Variants in DCDC2C observed in about 807,000 individuals in gnomAD.
The protein encoded by DCDC2C is doublecortin domain containing 2C.
DCDC2C carries 44 observed loss-of-function variants against 45.0 expected under a neutral mutation model. That is an observed-to-expected ratio of 0.98 (90% CI 0.77 to 1.26). The LOEUF (loss-of-function observed/expected upper bound fraction) is 1.26. Among genes scored for constraint, DCDC2C ranks in the 50% most tolerant of loss-of-function variants. The pLI, the probability that DCDC2C is intolerant of heterozygous loss-of-function variation, is 0.00. For missense variants in DCDC2C, 447 were observed against 468.9 expected, an observed-to-expected ratio of 0.95 and a Z score of 0.43; for synonymous variants, 187 against 178.8, an observed-to-expected ratio of 1.05 and a Z score of -0.37.
At chr2:3,775,096 C>T (rs375030605) in intron 8 of DCDC2C, among the ~76,000 whole-genome samples, 1 of 150,052 alleles carries the variant, frequency 6.7e-6, no homozygotes, top group Non-Finnish European at 1.5e-5. Flanking sequence ...TGAGGAACAA[C>T]GTAGGGAGTG....
At chr2:3,835,232 A>C (rs1048777133) in intron 10 of DCDC2C, among the ~76,000 whole-genome samples, 2 of 152,186 alleles carry the variant, frequency 1.3e-5, no homozygotes, top group South Asian at 4.1e-4. Context: ...CCTTACTTTT[A>C]AGAATGTGTG....
intron 2 of DCDC2C, among the ~76,000 whole-genome samples, chr2:3,725,053 G>A (rs572012061): frequency 1.9e-3 from 284 of 152,140 alleles, no homozygotes; most frequent in Non-Finnish European, 3.0e-3. Flanking sequence ...GTGGAAGGAG[G>A]CCCTATTGAC....
Position 3,842,178 on chromosome 2 carries a change from CA to C in DCDC2C, c.1066-4975del, listed in dbSNP as rs368710803. On this transcript the variant is annotated intron_variant, in intron 10 of 10. Coordinates refer to ENST00000399143, the MANE Select transcript of DCDC2C (RefSeq NM_001287444.2). Reference sequence around the variant, plus strand: ...GGAGGGAATCCATTGGAATGAGACTCAGTTTTGTTTTTCTCAAGAAGCTCAT... The same window carrying C: ...GGAGGGAATCCATTGGAATGAGACTCGTTTTGTTTTTCTCAAGAAGCTCAT... 5.1e-4 allele frequency among the ~76,000 whole-genome samples: 77 copies of C among 152,086 alleles called. No individual in the cohort carries two copies. The East Asian group carries it at 9.7e-3, about 19-fold the overall frequency.
At chr2:3,725,673 T>A (rs72493324) in intron 2 of DCDC2C, among the ~76,000 whole-genome samples, 38 of 82,010 alleles carry the variant, frequency 4.6e-4, no homozygotes, top group South Asian at 1.0e-3. Flanking sequence ...GAGCAGAGAG[T>A]GAGGAGGCTG....
Position 3,729,282 on chromosome 2 carries a change from TG to T in DCDC2C, c.416+2207del, listed in dbSNP as rs1389544225. Among the ~76,000 whole-genome samples the T allele has an allele frequency of 2.0e-5, 3 of 152,094 alleles. No homozygotes were observed. In the East Asian group the frequency reaches 5.8e-4, roughly 29 times the overall value. ...AAGAGCCCACCCCAGGGCTCCTCTG[TG>T]GGGAGGAGGCACGTTTGTGCCAGGC... On this transcript the variant is annotated intron_variant, in intron 3 of 10. Transcript: ENST00000399143.
chr2:3,810,498 G>A (rs1274192069), intron 10 of DCDC2C, among the ~76,000 whole-genome samples: 1 of 152,168 alleles, frequency 6.6e-6, no homozygotes, highest in Non-Finnish European at 1.5e-5. Context: ...TTTGTCAGAT[G>A]GGTAGATTGC....
chr2:3,743,650 T>C (rs992483479), intron 4 of DCDC2C, among the ~76,000 whole-genome samples: 2 of 152,106 alleles, frequency 1.3e-5, no homozygotes, highest in South Asian at 2.1e-4. Flanking sequence ...TGAACAACCA[T>C]TGGGTCAAGG....
At chr2:3,804,631 C>G (rs1671189310) in intron 10 of DCDC2C, among the ~76,000 whole-genome samples, 1 of 152,172 alleles carries the variant, frequency 6.6e-6, no homozygotes, top group Non-Finnish European at 1.5e-5. Context: ...TTAAAAAGAT[C>G]TCATTTCCTT....
intron 10 of DCDC2C, among the ~76,000 whole-genome samples, chr2:3,819,254 T>C (rs569305105): frequency 6.6e-6 from 1 of 152,170 alleles, no homozygotes; most frequent in Admixed American, 6.5e-5. Context: ...GCCAGGCGAG[T>C]TGGACAGTCC....
intron 1 of DCDC2C, 168 bp downstream of exon 1, chr2:3,704,206 C>T (rs1667969890): frequency 1.7e-6 from 1 of 599,776 alleles, no homozygotes. Context: ...CGCCCCAGGC[C>T]ACGTGGTTTC....
At chr2:3,744,750 T>G (rs1169340851) in intron 4 of DCDC2C, among the ~76,000 whole-genome samples, 1 of 152,206 alleles carries the variant, frequency 6.6e-6, no homozygotes, top group East Asian at 1.9e-4. Context: ...TTGAGTAGGA[T>G]GTAAACTGTC....
At chr2:3,711,287 C>T (rs930578231) in intron 2 of DCDC2C, among the ~76,000 whole-genome samples, 18 of 152,156 alleles carry the variant, frequency 1.2e-4, no homozygotes, top group African/African-American at 4.3e-4. Flanking sequence ...AATGCCGTTA[C>T]TGGGTATATA....
chr2:3,779,286 A>C (rs1670442472), intron 9 of DCDC2C, among the ~76,000 whole-genome samples: 1 of 152,194 alleles, frequency 6.6e-6, no homozygotes, highest in African/African-American at 2.4e-5. Flanking sequence ...GCGTGGTGTC[A>C]GTGGCTGGTC....
At chr2:3,779,472 C>T (rs76515388) in intron 9 of DCDC2C, among the ~76,000 whole-genome samples, 17 of 116,576 alleles carry the variant, frequency 1.5e-4, no homozygotes, top group African/African-American at 4.5e-4. Context: ...GATTATGCAA[C>T]TTATCGTCCA....
At chr2:3,725,511 C>T (rs62106607) in intron 2 of DCDC2C, among the ~76,000 whole-genome samples, 5 of 6,998 alleles carry the variant, frequency 7.1e-4, no homozygotes, top group African/African-American at 1.2e-3. Flanking sequence ...GGAGGCTGCC[C>T]GGTGGATCCC....
At chr2:3,827,178 A>G (rs547913289) in intron 10 of DCDC2C, among the ~76,000 whole-genome samples, 1 of 152,284 alleles carries the variant, frequency 6.6e-6, no homozygotes, top group South Asian at 2.1e-4. Flanking sequence ...ATCAGATTAA[A>G]TTAACCCTGA....
chr2:3,803,353 G>A (rs11675498), intron 10 of DCDC2C, among the ~76,000 whole-genome samples: 4 of 151,566 alleles, frequency 2.6e-5, no homozygotes, highest in Non-Finnish European at 5.9e-5. Context: ...TCACATCTCA[G>A]TGCTGGCTTC....
At chr2:3,822,224 C>G (rs182419599) in intron 10 of DCDC2C, among the ~76,000 whole-genome samples, 1 of 152,322 alleles carries the variant, frequency 6.6e-6, no homozygotes, top group African/African-American at 2.4e-5. Context: ...GTAGAATTCA[C>G]AAGTGAAGCC....
chr2:3,819,969 G>T lies in DCDC2C; in HGVS notation c.1066-27185G>T, dbSNP rs114977130. On this transcript the variant is annotated intron_variant, in intron 10 of 10. Transcript: ENST00000399143. The stretch of plus-strand genomic sequence containing the variant: ...GGCTAGGCCTGGCGAGGAGCAGCCT[G>T]GGGAGGAGGCAAGAGGTCAGATGGG... 7.0e-3 allele frequency among the ~76,000 whole-genome samples: 1,069 copies of T among 152,270 alleles called. 11 individuals carry two copies. The highest frequency in any genetic ancestry group is 0.024 in the African/African-American group (1,012 of 41,542).
Sources: allele counts gnomAD v4.1 joint callset (sites outside exome capture counted in the v4.1 genomes callset), GRCh38; gene constraint gnomAD v4.1.1; transcripts MANE v1.5; gene names NCBI Gene and HGNC (gene_info 2026-07-23, HGNC 2026-07-21).